The following IRAG1 variants were observed in gnomAD, a reference collection of about 807,000 sequenced individuals.
IRAG1 encodes IP3R-associated cGMP kinase substrate.
In IRAG1, 62 loss-of-function variants were observed where a neutral mutation model predicts 106.2. The observed-to-expected ratio is 0.58, with a 90% CI of 0.48 to 0.72. IRAG1 has a LOEUF of 0.72. Among genes scored for constraint, IRAG1 ranks in the 30% least tolerant of loss-of-function variants. IRAG1 has a pLI of 0.00. For missense variants in IRAG1, 1,064 were observed against 1,140.7 expected (o/e 0.93, Z 0.97); for synonymous variants, 462 against 443.9 (o/e 1.04, Z -0.51).
At chr11:10,580,324 G>C (rs373193351) in intron 20 of IRAG1, 131 bp downstream of exon 20, 9 of 1,375,048 alleles carry the variant, frequency 6.5e-6, no homozygotes, top group East Asian at 4.6e-5. Flanking sequence ...TTGGTTTCTT[G>C]GGCTACTCAC....
chr11:10,682,553 C>T (rs1035999138), intron 1 of IRAG1, among the ~76,000 whole-genome samples: 3 of 152,086 alleles, frequency 2.0e-5, no homozygotes, highest in South Asian at 2.1e-4. Flanking sequence ...GGAATGTTGG[C>T]TATACATGGA....
rs1861069824 is a variant in IRAG1, at chr11:10,680,344, G to GAAAGAAAGAAAGAAAGAAA, written c.67+13191_67+13192insTTTCTTTCTTTCTTTCTTT. On this transcript the variant is annotated intron_variant, in intron 1 of 20. Transcript: ENST00000423302. ...AGGGGGGAAGGAAGGAAGGAAGGAA[G>GAAAGAAAGAAAGAAAGAAA]GAAAGAAAGAAAGAAAGAAAGAAAG... 8.8e-5 allele frequency among the ~76,000 whole-genome samples: 6 copies of GAAAGAAAGAAAGAAAGAAA among 67,980 alleles called. No homozygotes were observed. The South Asian group carries it at 2.2e-3, about 25-fold the overall frequency. 44.6% of individuals were successfully genotyped at this position (67,980 alleles called of 152,430 possible). A position where few individuals can be genotyped will look rare whatever the true frequency, so the allele number is the denominator to read the frequency against.
At chr11:10,654,559 C>G (rs937445806) in intron 1 of IRAG1, among the ~76,000 whole-genome samples, 1 of 152,148 alleles carries the variant, frequency 6.6e-6, no homozygotes, top group African/African-American at 2.4e-5. Context: ...CTCTACCAGG[C>G]CTGTGCAAGG....
rs1429595547 is a variant in IRAG1, at chr11:10,659,143, A to T, written c.68-6961T>A. 6.6e-6 allele frequency among the ~76,000 whole-genome samples: 1 copy of T among 152,100 alleles called. No individual in the cohort carries two copies. The highest frequency in any genetic ancestry group is 1.5e-5 in the Non-Finnish European group (1 of 67,992). ...CCTGTACTCATGATGACTCCCCCAA[A>T]ACAGAGGTTTTTGTTCCACAGGTGA... is the stretch of plus-strand genomic sequence containing the variant. On this transcript the variant is annotated intron_variant, in intron 1 of 20. Coordinates refer to ENST00000423302, the MANE Select transcript of IRAG1 (RefSeq NM_130385.4). The surrounding 1 kb of genome is among the most constrained non-coding windows in gnomAD (Gnocchi z 4.1).
At chr11:10,644,653 A>G (rs1857799152) in intron 2 of IRAG1, among the ~76,000 whole-genome samples, 1 of 152,188 alleles carries the variant, frequency 6.6e-6, no homozygotes. Flanking sequence ...GAGGTACCGT[A>G]TGAGGGTTCT....
In IRAG1 at chr11:10,618,743, G is replaced by C. The variant is rs147277441; in HGVS notation, c.1447+5035C>G. On this transcript the variant is annotated intron_variant, in intron 10 of 20. Transcript: ENST00000423302. The stretch of plus-strand genomic sequence containing the variant: ...TAAGAAGAGGAAAGAATGAGCTGCC[G>C]AAGGCAGGCCAAAATATTGTGAGTG... Among the ~76,000 whole-genome samples the C allele has an allele frequency of 1.5e-3, 233 of 152,314 alleles. 1 individual carries two copies. Among genetic ancestry groups the C allele is most frequent in the African/African-American group, 5.2e-3 (218 of 41,564 alleles).
intron 2 of IRAG1, among the ~76,000 whole-genome samples, chr11:10,636,415 G>C (rs12279529): frequency 9.9e-4 from 150 of 152,248 alleles, no homozygotes; most frequent in Middle Eastern, 6.8e-3. Context: ...AGAATCAAGC[G>C]ATCTTCCCAC....
rs560874722 is a variant in IRAG1 at position 10,646,486 on chromosome 11, C to G, written c.225+5539G>C. 5.9e-5 allele frequency among the ~76,000 whole-genome samples: 9 copies of G among 152,264 alleles called. No individual in the cohort carries two copies. In the East Asian group the frequency reaches 1.5e-3, roughly 26 times the overall value. ...GTTATGGTGGCACTTACATCAGTCCCTATTTCTGAGCCAAAACAGGAGGAA... is the reference window on the plus strand; with the variant it reads ...GTTATGGTGGCACTTACATCAGTCCGTATTTCTGAGCCAAAACAGGAGGAA... On this transcript the variant is annotated intron_variant, in intron 2 of 20. Transcript: ENST00000423302.
At position 10,628,020 on chromosome 11, in the gene IRAG1, C is replaced by T. The variant is rs536479939; in HGVS notation, c.658G>A (p.Asp220Asn). ...GGGGATGGCGGGCCACTGCACACAT[C>T]CAAACCTGGAAGGGTCCAGACACTA... ...SLTVPTPPGL[D>N]VCSGPPSPLP... The change falls in exon 7 of 21, where the codon GAT becomes AAT. Residue 220 changes from aspartate (D) to asparagine (N), a missense_variant. Coordinates refer to ENST00000423302, the MANE Select transcript of IRAG1 (RefSeq NM_130385.4). This position sits in a 1 kb window ranked among gnomAD's most constrained non-coding sequence, Gnocchi z 4.1. 11 of 1,613,506 alleles carry T rather than the reference C, an allele frequency of 6.8e-6. No individual in the cohort carries two copies. The highest frequency in any genetic ancestry group is 1.6e-4 in the Middle Eastern group (1 of 6,084).
chr11:10,690,645 C>T (rs1044062575), intron 1 of IRAG1, among the ~76,000 whole-genome samples: 6 of 152,150 alleles, frequency 3.9e-5, no homozygotes, highest in Non-Finnish European at 8.8e-5. Context: ...TCAGTAACTG[C>T]CCCAGGACCT....
Position 10,670,288 on chromosome 11 carries a change from G to A in IRAG1, c.68-18106C>T, listed in dbSNP as rs186423877. On this transcript the variant is annotated intron_variant, in intron 1 of 20. Coordinates refer to ENST00000423302, the MANE Select transcript of IRAG1 (RefSeq NM_130385.4). ...CAGGATCTGGAAGTACTTTAAAGCC[G>A]GCAGTGTAAATCAAATTCTAGGTGT... 1.3e-3 allele frequency among the ~76,000 whole-genome samples: 196 copies of A among 152,280 alleles called. 1 individual carries two copies. The highest frequency in any genetic ancestry group is 0.01 in the South Asian group (49 of 4,824).
Position 10,591,607 on chromosome 11 carries a change from T to C in IRAG1, c.2181A>G (p.Glu727=), listed in dbSNP as rs1852677901. 1.9e-6 allele frequency: 3 copies of C among 1,592,946 alleles called. No homozygotes were observed. The highest frequency in any genetic ancestry group is 2.6e-6 in the Non-Finnish European group (3 of 1,169,630). The change falls in exon 18 of 21, where the codon GAA becomes GAG. Residue 727 remains glutamate, a synonymous_variant. Transcript: ENST00000423302. ...SSIPSLPALS[E]SPNGKGSLPV... is the part of the protein sequence containing the mutation. ...GTAGGCTGCCTTTCCCATTGGGTGA[T>C]TCCGACTGAGTGAAAAACAGAAGAC...
chr11:10,614,784 A>G (rs1855261889), intron 10 of IRAG1, among the ~76,000 whole-genome samples: 5 of 152,238 alleles, frequency 3.3e-5, no homozygotes. Flanking sequence ...TTATACAAAA[A>G]TTAATTCAAG....
intron 1 of IRAG1, among the ~76,000 whole-genome samples, chr11:10,655,453 A>G (rs1858842717): frequency 6.6e-6 from 1 of 152,018 alleles, no homozygotes; most frequent in Non-Finnish European, 1.5e-5. Flanking sequence ...CAAAGAATAG[A>G]TGTCATAACT....
chr11:10,584,524 G>A (rs1185410221), intron 18 of IRAG1, among the ~76,000 whole-genome samples: 1 of 137,790 alleles, frequency 7.3e-6, no homozygotes, highest in Non-Finnish European at 1.5e-5. Context: ...ACAGCCAAGG[G>A]CAGGGAAAGT....
chr11:10,623,415 A>T (rs1329757768), intron 10 of IRAG1, among the ~76,000 whole-genome samples: 1 of 152,182 alleles, frequency 6.6e-6, no homozygotes, highest in Non-Finnish European at 1.5e-5. Flanking sequence ...CTTTGTGGTG[A>T]CAGCAGATTA....
At chr11:10,684,357 AC>A (rs918623294) in intron 1 of IRAG1, among the ~76,000 whole-genome samples, 4 of 152,266 alleles carry the variant, frequency 2.6e-5, no homozygotes, top group African/African-American at 9.6e-5. Flanking sequence ...TATTGCAAGG[AC>A]AAAAAACCAA....
intron 1 of IRAG1, among the ~76,000 whole-genome samples, chr11:10,689,625 CAAG>C (rs1170731032): frequency 2.0e-5 from 3 of 152,040 alleles, no homozygotes; most frequent in Admixed American, 6.6e-5. Context: ...TTGTAAATGC[CAAG>C]AAGAGGAACA....
chr11:10,693,207 G>A (rs546842073), intron 1 of IRAG1, among the ~76,000 whole-genome samples: 1 of 152,292 alleles, frequency 6.6e-6, no homozygotes, highest in South Asian at 2.1e-4. Flanking sequence ...AGACCCCACT[G>A]TTGCCACAAA....
Sources: gnomAD v4.1 joint callset for allele counts (sites outside exome capture counted in the v4.1 genomes callset) on GRCh38, gnomAD v4.1.1 for gene constraint, Gnocchi (gnomAD v3.1) non-coding constraint, MANE v1.5 for transcripts, NCBI Gene and HGNC (gene_info 2026-07-23, HGNC 2026-07-21) for gene names.